TNS1: variants seen among roughly 807,000 people sequenced by gnomAD.
The protein encoded by TNS1 is tensin 1.
A neutral mutation model predicts 168.6 loss-of-function variants in TNS1; 62 were observed. The ratio of observed to expected loss-of-function variants is 0.37; its 90% CI spans 0.30 to 0.45. TNS1 has a LOEUF of 0.45. Ranked by LOEUF, TNS1 falls within the 20% of genes least tolerant of loss-of-function variation. The pLI, the probability that TNS1 is intolerant of heterozygous loss-of-function variation, is 1.00. For missense variants in TNS1, 2,240 were observed against 2,339.4 expected, an observed-to-expected ratio of 0.96 and a Z score of 0.88; for synonymous variants, 934 against 933.2, an observed-to-expected ratio of 1.00 and a Z score of -0.02.
intron 1 of TNS1, among the ~76,000 whole-genome samples, chr2:217,999,836 T>C (rs571015943): frequency 9.7e-4 from 148 of 152,340 alleles, no homozygotes; most frequent in African/African-American, 3.4e-3. Flanking sequence ...GGATGTGGCC[T>C]TAGAGAATAG....
At chr2:217,985,067 ATT>A (rs752091228) in intron 2 of TNS1, among the ~76,000 whole-genome samples, 74 of 135,480 alleles carry the variant, frequency 5.5e-4, no homozygotes, top group African/African-American at 8.1e-4. Context: ...CCATTATGAG[ATT>A]TTTTTTTTTT....
chr2:217,996,700 G>T (rs545556791), intron 1 of TNS1, among the ~76,000 whole-genome samples: 4 of 151,942 alleles, frequency 2.6e-5, no homozygotes, highest in African/African-American at 9.7e-5. Flanking sequence ...CCTATATCAG[G>T]CCTTGGCACT....
chr2:217,827,441 C>T (rs1417211113), intron 22 of TNS1, among the ~76,000 whole-genome samples: 7 of 152,112 alleles, frequency 4.6e-5, no homozygotes, highest in Admixed American at 1.3e-4. Context: ...TAGTCTGACC[C>T]GGGCAGTGGC....
intron 3 of TNS1, among the ~76,000 whole-genome samples, chr2:217,974,281 G>T (rs867029284): frequency 1.3e-5 from 2 of 152,164 alleles, no homozygotes; most frequent in African/African-American, 4.8e-5. Flanking sequence ...TTAGAAAAAG[G>T]AATATGATTA....
At chr2:217,869,574 G>A (rs1477398364) in intron 18 of TNS1, among the ~76,000 whole-genome samples, 4 of 152,192 alleles carry the variant, frequency 2.6e-5, no homozygotes, top group Non-Finnish European at 4.4e-5. Context: ...TGAGTGGCCT[G>A]ATGGAGTCTC....
chr2:217,819,510 A>G (rs779332523), intron 23 of TNS1, among the ~76,000 whole-genome samples: 16 of 152,196 alleles, frequency 1.1e-4, no homozygotes, highest in Non-Finnish European at 2.1e-4. Context: ...CTCAGAGGTC[A>G]CTACCAATTC....
rs149588851 is a variant in TNS1 at position 217,977,307 on chromosome 2, C to T, written c.186+1458G>A. 4.1e-3 allele frequency among the ~76,000 whole-genome samples: 629 copies of T among 152,176 alleles called. 17 individuals are homozygous for T. Among genetic ancestry groups the T allele is most frequent in the East Asian group, 0.038 (194 of 5,168 alleles). On this transcript the variant is annotated intron_variant, in intron 3 of 32. Coordinates refer to ENST00000682258, the MANE Select transcript of TNS1 (RefSeq NM_001387777.1). ...CAGGGGAGGAAAGGCTGAGAGAGGC[C>T]GCAGGAAAGGAGAAGACAAGGGAAG...
intron 12 of TNS1, among the ~76,000 whole-genome samples, chr2:217,888,726 T>A (rs1055826795): frequency 3.9e-5 from 6 of 152,348 alleles, no homozygotes; most frequent in South Asian, 4.1e-4. Flanking sequence ...CATGTGAGAT[T>A]TGCCTTTCAC....
At chr2:218,011,539 C>A (rs190236008), upstream of TNS1, among the ~76,000 whole-genome samples, 21 of 152,244 alleles carry the variant, frequency 1.4e-4, no homozygotes, top group African/African-American at 4.6e-4. Flanking sequence ...GCTGGGCTGC[C>A]CTAGCACCAT....
intron 18 of TNS1, chr2:217,850,334 A>AG: frequency 1.0e-6 from 1 of 985,306 alleles, no homozygotes; most frequent in Non-Finnish European, 1.2e-6. Flanking sequence ...TTCAGGGACT[A>AG]GGGCAGGAGG....
chr2:217,937,503 A>C (rs1575115401), intron 3 of TNS1, among the ~76,000 whole-genome samples: 1 of 150,984 alleles, frequency 6.6e-6, no homozygotes, highest in Non-Finnish European at 1.5e-5. Context: ...GGCCCCTCTC[A>C]CTCAACCAGC....
chr2:217,977,269 C>T (rs1471320563), intron 3 of TNS1, among the ~76,000 whole-genome samples: 1 of 152,106 alleles, frequency 6.6e-6, no homozygotes, highest in Non-Finnish European at 1.5e-5. Context: ...GAAGCAGAAA[C>T]GTACTCTCCA....
chr2:217,950,248 T>G (rs573659800), intron 3 of TNS1, among the ~76,000 whole-genome samples: 24 of 152,164 alleles, frequency 1.6e-4, no homozygotes, highest in Non-Finnish European at 2.9e-4. Flanking sequence ...CATCAGCACC[T>G]TGAAAAAATT....
chr2:217,976,987 C>T (rs1957912889), intron 3 of TNS1, among the ~76,000 whole-genome samples: 2 of 152,114 alleles, frequency 1.3e-5, no homozygotes, highest in Admixed American at 6.6e-5. Context: ...CAACGTGGGG[C>T]GCCTCAGTTT....
chr2:217,844,150 G>A (rs1037501706), intron 19 of TNS1, among the ~76,000 whole-genome samples: 6 of 152,082 alleles, frequency 3.9e-5, no homozygotes, highest in Non-Finnish European at 8.8e-5. Context: ...CAACACATAA[G>A]TGCATTGGTT....
intron 10 of TNS1, 45 bp downstream of exon 10, chr2:217,893,394 G>T: frequency 6.6e-7 from 1 of 1,510,436 alleles, no homozygotes; most frequent in Non-Finnish European, 8.8e-7. Context: ...GCGCATGTGC[G>T]CGCGCGCACA....
intron 1 of TNS1, among the ~76,000 whole-genome samples, chr2:218,027,798 G>C (rs115066732): frequency 6.6e-6 from 1 of 152,154 alleles, no homozygotes; most frequent in African/African-American, 2.4e-5. Context: ...GGGCTGAAAG[G>C]TGAGCAGACA....
intron 4 of TNS1, among the ~76,000 whole-genome samples, chr2:217,912,769 T>C (rs1320071563): frequency 1.3e-5 from 2 of 152,092 alleles, no homozygotes; most frequent in African/African-American, 4.8e-5. Flanking sequence ...CGTCCCCACA[T>C]ACAGACCTAT....
chr2:217,805,551 C>CACAT (rs1328661991), intron 32 of TNS1, among the ~76,000 whole-genome samples: 2 of 65,570 alleles, frequency 3.1e-5, no homozygotes, highest in Non-Finnish European at 6.6e-5. Context: ...CACCACCACA[C>CACAT]ACCACACACA....
Sources: allele counts gnomAD v4.1 joint callset (sites outside exome capture counted in the v4.1 genomes callset), GRCh38; gene constraint gnomAD v4.1.1; transcripts MANE v1.5; gene names NCBI Gene and HGNC (gene_info 2026-07-23, HGNC 2026-07-21).